The following PHLPP1 variants were observed in gnomAD, a reference collection of about 807,000 sequenced individuals.
PHLPP1 encodes PH domain and leucine rich repeat protein phosphatase 1.
Under a neutral mutation model 117.2 loss-of-function variants are expected in PHLPP1, and 42 were observed. That is an observed-to-expected ratio of 0.36 (90% CI 0.28 to 0.46). PHLPP1 has a LOEUF of 0.46. PHLPP1 is among the 20% of genes least tolerant of loss of function. The pLI, the probability that PHLPP1 is intolerant of heterozygous loss-of-function variation, is 1.00. For synonymous variants in PHLPP1, 1,042 were observed against 970.7 expected (o/e 1.07, Z -1.37); for missense variants, 2,084 against 2,241.9 (o/e 0.93, Z 1.42).
At chr18:62,728,993 C>T (rs1911156267) in intron 1 of PHLPP1, among the ~76,000 whole-genome samples, 1 of 151,984 alleles carries the variant, frequency 6.6e-6, no homozygotes, top group African/African-American at 2.4e-5. Context: ...TGAGATAGAA[C>T]TCTGTGATCC....
At chr18:62,815,611 G>C (rs1358090233) in intron 1 of PHLPP1, among the ~76,000 whole-genome samples, 1 of 152,194 alleles carries the variant, frequency 6.6e-6, no homozygotes, top group African/African-American at 2.4e-5. Context: ...GGCTTCCCCA[G>C]AGGGAGTGAT....
chr18:62,854,200 A>G (rs191461493), intron 3 of PHLPP1, among the ~76,000 whole-genome samples: 2 of 152,356 alleles, frequency 1.3e-5, no homozygotes, highest in South Asian at 2.1e-4. Flanking sequence ...TTTTGCCAAA[A>G]GGAATTTATA....
intron 1 of PHLPP1, among the ~76,000 whole-genome samples, chr18:62,734,573 T>C (rs1475038641): frequency 6.6e-6 from 1 of 152,194 alleles, no homozygotes; most frequent in Non-Finnish European, 1.5e-5. Context: ...AATGAGCTGC[T>C]TTTTGCTTTT....
At position 62,824,932 on chromosome 18, in the gene PHLPP1, C is replaced by CTT. The variant is rs200225377; in HGVS notation, c.1577-5092_1577-5091dup. Among the ~76,000 whole-genome samples the CTT allele has an allele frequency of 1.9e-3, 265 of 140,404 alleles. 2 individuals are homozygous for CTT. The highest frequency in any genetic ancestry group is 6.1e-3 in the African/African-American group (234 of 38,668). 92.1% of individuals were successfully genotyped at this position (140,404 alleles called of 152,430 possible). The stretch of plus-strand genomic sequence containing the variant: ...GTGGTCAAATGAGCCAATATATATA[C>CTT]TTTTTTTTTTTTGAGACAGACTCTT... On this transcript the variant is annotated intron_variant, in intron 1 of 16. Transcript: ENST00000262719.
rs1911321164 is a variant in PHLPP1, at chr18:62,979,731, ATAATGTAATATTTTT to A, written c.*304_*318del. 6.7e-6 allele frequency: 2 copies of A among 297,568 alleles called. No individual in the cohort carries two copies. The highest frequency in any genetic ancestry group is 6.2e-6 in the Non-Finnish European group (1 of 162,402). 18.4% of individuals were successfully genotyped at this position (297,568 alleles called of 1,614,324 possible). On this transcript the variant is annotated 3_prime_UTR_variant, in exon 17 of 17. Coordinates refer to ENST00000262719, the MANE Select transcript of PHLPP1 (RefSeq NM_194449.4). ...ATATATTACAGAGAAACAGTTAATG[ATAATGTAATATTTTT>A]TAAAATGGCTTTTTGTTGTTTGTTT...
chr18:62,792,046 T>C (rs927188840), intron 1 of PHLPP1, among the ~76,000 whole-genome samples: 3 of 152,110 alleles, frequency 2.0e-5, no homozygotes, highest in African/African-American at 7.2e-5. Flanking sequence ...ACCAAGCAGA[T>C]TTTGTTATTA....
chr18:62,881,320 G>A (rs537017866), intron 4 of PHLPP1, among the ~76,000 whole-genome samples: 1 of 151,916 alleles, frequency 6.6e-6, no homozygotes, highest in Non-Finnish European at 1.5e-5. Flanking sequence ...TGCCTTTACA[G>A]CAAAATGTCC....
At chr18:62,954,649 G>A (rs1910561815) in intron 12 of PHLPP1, among the ~76,000 whole-genome samples, 2 of 151,956 alleles carry the variant, frequency 1.3e-5, no homozygotes, top group African/African-American at 4.8e-5. Flanking sequence ...CCTCCTTCCT[G>A]TGTGCAGAAG....
intron 14 of PHLPP1, among the ~76,000 whole-genome samples, chr18:62,971,333 T>C (rs1003785307): frequency 1.3e-5 from 2 of 151,740 alleles, no homozygotes; most frequent in Non-Finnish European, 2.9e-5. Context: ...TTTGAAGTTA[T>C]CCCACCACTC....
At chr18:62,835,338 G>A (rs1451013234) in intron 2 of PHLPP1, among the ~76,000 whole-genome samples, 2 of 151,826 alleles carry the variant, frequency 1.3e-5, no homozygotes, top group Non-Finnish European at 2.9e-5. Flanking sequence ...CGAGTAGCTG[G>A]GACTACAGGC....
At chr18:62,817,427 A>C (rs1208968272) in intron 1 of PHLPP1, among the ~76,000 whole-genome samples, 1 of 152,246 alleles carries the variant, frequency 6.6e-6, no homozygotes, top group African/African-American at 2.4e-5. Context: ...ATGTAGGTAA[A>C]TACACACACA....
chr18:62,923,547 A>T (rs894454704), intron 10 of PHLPP1, among the ~76,000 whole-genome samples: 1 of 152,132 alleles, frequency 6.6e-6, no homozygotes, highest in South Asian at 2.1e-4. Flanking sequence ...TTTTAAACCT[A>T]TTTTTGTATT....
intron 1 of PHLPP1, among the ~76,000 whole-genome samples, chr18:62,756,064 A>G (rs552090774): frequency 7.2e-6 from 1 of 139,248 alleles, no homozygotes; most frequent in African/African-American, 2.7e-5. Context: ...TTTTTTTTTT[A>G]ATAAAATGTG....
Position 62,838,054 on chromosome 18 carries a change from A to G in PHLPP1, c.1774-730A>G, listed in dbSNP as rs1914955938. 4 of 150,896 alleles carry G rather than the reference A, an allele frequency of 2.7e-5. No homozygotes were observed. The South Asian group carries it at 8.4e-4, about 32-fold the overall frequency. The allele number at this position is 150,896 out of a possible 1,614,324, so 9.3% of individuals were successfully genotyped here. A position where few individuals can be genotyped will look rare whatever the true frequency, so the allele number is the denominator to read the frequency against. ...GACTATCAAAAGATACACGAGTTCA[A>G]TTGAAAAAAATATATATATATATAA... On this transcript the variant is annotated intron_variant, in intron 2 of 16. Coordinates refer to ENST00000262719, the MANE Select transcript of PHLPP1 (RefSeq NM_194449.4).
chr18:62,765,500 C>T (rs1179052917), intron 1 of PHLPP1, among the ~76,000 whole-genome samples: 1 of 152,192 alleles, frequency 6.6e-6, no homozygotes, highest in African/African-American at 2.4e-5. Flanking sequence ...TTTATTGGCT[C>T]TATAAGCCAT....
At chr18:62,898,548 T>C (rs1159217911) in intron 6 of PHLPP1, among the ~76,000 whole-genome samples, 3 of 152,172 alleles carry the variant, frequency 2.0e-5, no homozygotes, top group African/African-American at 7.2e-5. Flanking sequence ...CCCTCATATT[T>C]GGTTTCAGCC....
In PHLPP1 at chr18:62,749,194, C is replaced by G. The variant is rs141648326; in HGVS notation, c.1576+31935C>G. On this transcript the variant is annotated intron_variant, in intron 1 of 16. Coordinates refer to ENST00000262719, the MANE Select transcript of PHLPP1 (RefSeq NM_194449.4). ...TGGTCGGCACATGTTCAGATTTACC[C>G]AAAGGCTTGCTGGTATTCTAAATAA... Among the ~76,000 whole-genome samples the G allele has an allele frequency of 7.8e-3, 1,182 of 151,174 alleles. 18 individuals are homozygous for G. The highest frequency in any genetic ancestry group is 0.027 in the African/African-American group (1,133 of 41,288).
At chr18:62,840,617 G>A (rs12969517) in intron 3 of PHLPP1, among the ~76,000 whole-genome samples, 10,288 of 152,226 alleles carry the variant, frequency 0.068, 397 homozygotes, top group Middle Eastern at 0.089. Context: ...GCTCTGCTTT[G>A]TTCAGAATAA....
At chr18:62,770,429 C>T (rs1056621997) in intron 1 of PHLPP1, among the ~76,000 whole-genome samples, 1 of 152,150 alleles carries the variant, frequency 6.6e-6, no homozygotes, top group Non-Finnish European at 1.5e-5. Context: ...TAACATGTGT[C>T]AACTTGCAAT....
Sources: gnomAD v4.1 joint callset for allele counts (sites outside exome capture counted in the v4.1 genomes callset) on GRCh38, gnomAD v4.1.1 for gene constraint, MANE v1.5 for transcripts, NCBI Gene and HGNC (gene_info 2026-07-23, HGNC 2026-07-21) for gene names.